The following BCAS3 variants were observed in gnomAD, a reference collection of about 807,000 sequenced individuals.
BCAS3 encodes the protein BCAS3 microtubule associated cell migration factor.
BCAS3 carries 53 observed loss-of-function variants against 116.1 expected under a neutral mutation model. The observed-to-expected ratio is 0.46, with a 90% confidence interval of 0.37 to 0.57. BCAS3 has a LOEUF of 0.57. Among genes scored for constraint, BCAS3 ranks in the 20% least tolerant of loss-of-function variants. The probability of loss-of-function intolerance (pLI) is 0.00; values close to 1 mark genes in which losing one functional copy is unlikely to be tolerated. For missense variants in BCAS3, 917 were observed against 1,165.4 expected (o/e 0.79, Z 3.10); for synonymous variants, 391 against 408.2 (o/e 0.96, Z 0.51).
rs1265920572 is a variant in BCAS3, at chr17:61,020,776, AATTTT to A, written c.1637+4878_1637+4882del. Among the ~76,000 whole-genome samples the A allele has an allele frequency of 3.9e-5, 6 of 152,200 alleles. No homozygotes were observed. The highest frequency in any genetic ancestry group is 1.3e-4 in the Admixed American group (2 of 15,284). On this transcript the variant is annotated intron_variant, in intron 16 of 23. Coordinates refer to ENST00000407086, the MANE Select transcript of BCAS3 (RefSeq NM_017679.5). The surrounding 1 kb of genome is among the most constrained non-coding windows in gnomAD (Gnocchi z 4.5). The stretch of plus-strand genomic sequence containing the variant: ...CAAAAAAATGTTCATCAATGAGCTT[AATTTT>A]ATCTGCTTAAATCTAAAATTATTTA...
In BCAS3 at chr17:61,368,148, C is replaced by G. The variant is rs760531475; in HGVS notation, c.2426-179C>G. The G allele has an allele frequency of 1.9e-4, 106 of 562,648 alleles. No homozygotes were observed. The highest frequency in any genetic ancestry group is 3.1e-4 in the Non-Finnish European group (103 of 331,104). The allele number at this position is 562,648 out of a possible 1,614,324, so 34.9% of individuals were successfully genotyped here. A position where few individuals can be genotyped will look rare whatever the true frequency, so the allele number is the denominator to read the frequency against. On this transcript the variant is annotated intron_variant, in intron 22 of 23. Coordinates refer to ENST00000407086, the MANE Select transcript of BCAS3 (RefSeq NM_017679.5). This position sits in a 1 kb window ranked among gnomAD's most constrained non-coding sequence, Gnocchi z 6.0. ...ACGGAAGTCACTCCAGAGGTCTGCA[C>G]TCTCTCAGCGGCATGAGCTATTTCT... is the stretch of plus-strand genomic sequence containing the variant.
chr17:60,773,178 G>A (rs7224766), intron 6 of BCAS3, among the ~76,000 whole-genome samples: 34,963 of 150,994 alleles, frequency 0.23, 7,321 homozygotes, highest in African/African-American at 0.56. Context: ...TTAGTATCTT[G>A]TTGTTTAAAC....
At position 61,104,340 on chromosome 17, in the gene BCAS3, A is replaced by T. The variant is rs182659806; in HGVS notation, c.2425+19776A>T. ...TGCTTTTATTTTTTAAAAACTTTTTAAAAAAAGTTTTTCATATAACTTTTT... is the reference window on the plus strand; with the variant it reads ...TGCTTTTATTTTTTAAAAACTTTTTTAAAAAAGTTTTTCATATAACTTTTT... On this transcript the variant is annotated intron_variant, in intron 22 of 23. Coordinates refer to ENST00000407086, the MANE Select transcript of BCAS3 (RefSeq NM_017679.5). The surrounding 1 kb of genome is among the most constrained non-coding windows in gnomAD (Gnocchi z 4.1). 4.0e-3 allele frequency among the ~76,000 whole-genome samples: 610 copies of T among 152,242 alleles called. 4 individuals carry two copies. Among genetic ancestry groups the T allele is most frequent in the African/African-American group, 0.013 (556 of 41,538 alleles).
In BCAS3 at chr17:61,316,870, A is replaced by T. The variant is rs981335781; in HGVS notation, c.2426-51457A>T. On this transcript the variant is annotated intron_variant, in intron 22 of 23. Transcript: ENST00000407086. The surrounding 1 kb of genome is among the most constrained non-coding windows in gnomAD (Gnocchi z 5.8). Reference sequence around the variant, plus strand: ...GCAATTTATGTTTAGCGGTTTCCCCACTAAGGAATTCCTCGTGTATTTGAT... The same window carrying T: ...GCAATTTATGTTTAGCGGTTTCCCCTCTAAGGAATTCCTCGTGTATTTGAT... Among the ~76,000 whole-genome samples the T allele has an allele frequency of 1.3e-5, 2 of 152,154 alleles. No individual in the cohort carries two copies. Among genetic ancestry groups the T allele is most frequent in the Non-Finnish European group, 2.9e-5 (2 of 68,024 alleles).
At chr17:61,074,843 C>G in intron 19 of BCAS3, 77 bp from the exon 20 acceptor site, 1 of 885,158 alleles carries the variant, frequency 1.1e-6, no homozygotes, top group Non-Finnish European at 1.8e-6. Flanking sequence ...ACCATAGTAT[C>G]CAAAATGGTT....
At chr17:61,296,195 A>G (rs990886202) in intron 22 of BCAS3, among the ~76,000 whole-genome samples, 4 of 152,194 alleles carry the variant, frequency 2.6e-5, no homozygotes, top group African/African-American at 9.7e-5. Context: ...ATACTCTCTC[A>G]TTCTTCCAGT....
Position 61,199,064 on chromosome 17 carries a change from G to A in BCAS3, c.2425+114500G>A, listed in dbSNP as rs918630530. Among the ~76,000 whole-genome samples the A allele has an allele frequency of 2.0e-5, 3 of 152,162 alleles. No homozygotes were observed. The highest frequency in any genetic ancestry group is 7.2e-5 in the African/African-American group (3 of 41,426). On this transcript the variant is annotated intron_variant, in intron 22 of 23. Coordinates refer to ENST00000407086, the MANE Select transcript of BCAS3 (RefSeq NM_017679.5). This position sits in a 1 kb window ranked among gnomAD's most constrained non-coding sequence, Gnocchi z 4.6. The stretch of plus-strand genomic sequence containing the variant: ...TATCCTGGAAAAAAAGTGTCCAGTA[G>A]AGTCTGTCCTTCCTGAGCTTAGTTA...
At chr17:61,185,957 T>G (rs2079746884) in intron 22 of BCAS3, among the ~76,000 whole-genome samples, 1 of 152,146 alleles carries the variant, frequency 6.6e-6, no homozygotes, top group Admixed American at 6.5e-5. Context: ...AAATACAAAA[T>G]ATAAGAAAAT....
intron 7 of BCAS3, among the ~76,000 whole-genome samples, chr17:60,843,037 A>G (rs1568363864): frequency 6.6e-6 from 1 of 151,700 alleles, no homozygotes; most frequent in Admixed American, 6.6e-5. Flanking sequence ...ACACCCAGCT[A>G]ATTTTTAACA....
At chr17:60,847,867 A>T (rs1403394663) in intron 7 of BCAS3, among the ~76,000 whole-genome samples, 4 of 139,104 alleles carry the variant, frequency 2.9e-5, no homozygotes, top group Non-Finnish European at 4.4e-5. Context: ...TTATCTGTTC[A>T]TTCATTTGTT....
At chr17:61,102,882 T>C (rs1050418151) in intron 22 of BCAS3, among the ~76,000 whole-genome samples, 2 of 152,178 alleles carry the variant, frequency 1.3e-5, no homozygotes, top group African/African-American at 4.8e-5. Context: ...ATTTCCTTTC[T>C]GTCTGTCCCA....
At chr17:61,384,349 G>C (rs1603212329) in intron 23 of BCAS3, 1 of 152,318 alleles carries the variant, frequency 6.6e-6, no homozygotes, top group Non-Finnish European at 1.5e-5. Flanking sequence ...AGTTTCACGT[G>C]TGTGTCCAGT....
intron 6 of BCAS3, among the ~76,000 whole-genome samples, chr17:60,782,312 A>AT (rs1331847639): frequency 6.6e-6 from 1 of 152,016 alleles, no homozygotes; most frequent in Non-Finnish European, 1.5e-5. Flanking sequence ...GAATTCCTTC[A>AT]TTTTATCTTA....
At chr17:61,103,338 G>C (rs961901038) in intron 22 of BCAS3, among the ~76,000 whole-genome samples, 10 of 152,024 alleles carry the variant, frequency 6.6e-5, no homozygotes, top group African/African-American at 2.4e-4. Flanking sequence ...ATCGTTTAAG[G>C]GAAAAGTATT....
Position 60,747,255 on chromosome 17 carries a change from A to G in BCAS3, c.379A>G (p.Arg127Gly), listed in dbSNP as rs1368549894. The change falls in exon 6 of 24, where the codon AGA becomes GGA. Residue 127 changes from arginine (R) to glycine (G), a missense_variant. Arg to Gly is a moderately radical substitution (Grantham distance 125, BLOSUM62 -2). Transcript: ENST00000407086. Reference protein sequence around the residue: ...SVRHGPIRAARILPAPQFGAQ... With the variant: ...SVRHGPIRAAGILPAPQFGAQ... ...TCGACATGGCCCAATTCGAGCGGCTAGAATCTTGCCTGCTCCACAGTTTGG... is the reference window on the plus strand; with the variant it reads ...TCGACATGGCCCAATTCGAGCGGCTGGAATCTTGCCTGCTCCACAGTTTGG... 2 of 1,613,234 alleles carry G rather than the reference A, an allele frequency of 1.2e-6. No individual in the cohort carries two copies. The highest frequency in any genetic ancestry group is 1.7e-6 in the Non-Finnish European group (2 of 1,179,236).
At chr17:60,948,036 T>A (rs1471699242) in intron 14 of BCAS3, among the ~76,000 whole-genome samples, 1 of 152,174 alleles carries the variant, frequency 6.6e-6, no homozygotes, top group East Asian at 1.9e-4. Context: ...TACTGAGCGC[T>A]TGTATCAGGT....
intron 22 of BCAS3, among the ~76,000 whole-genome samples, chr17:61,085,359 G>A (rs561557266): frequency 1.3e-5 from 2 of 152,304 alleles, no homozygotes; most frequent in South Asian, 4.1e-4. Context: ...AAACAGTTGA[G>A]TCAGAGAGGA....
intron 6 of BCAS3, among the ~76,000 whole-genome samples, chr17:60,752,208 C>T (rs990507183): frequency 3.3e-5 from 5 of 149,476 alleles, no homozygotes; most frequent in African/African-American, 4.9e-5. Flanking sequence ...TTTTTCATAA[C>T]GATTTATAGT....
intron 22 of BCAS3, among the ~76,000 whole-genome samples, chr17:61,111,297 G>C (rs1441529970): frequency 6.6e-6 from 1 of 151,930 alleles, no homozygotes; most frequent in Non-Finnish European, 1.5e-5. Context: ...TGAGCTACGG[G>C]AGGACATTCA....
Sources: allele counts gnomAD v4.1 joint callset (sites outside exome capture counted in the v4.1 genomes callset), GRCh38; gene constraint gnomAD v4.1.1; non-coding constraint Gnocchi (gnomAD v3.1); transcripts MANE v1.5; gene names NCBI Gene and HGNC (gene_info 2026-07-23, HGNC 2026-07-21).